The following SPTB variants were observed in gnomAD, a reference collection of about 807,000 sequenced individuals.
The protein encoded by SPTB is spectrin beta chain, erythrocytic.
A neutral mutation model predicts 256.2 loss-of-function variants in SPTB; 45 were observed. That is an observed-to-expected ratio of 0.18 (90% CI 0.14 to 0.23). The LOEUF is 0.23. Among genes scored for constraint, SPTB ranks in the 10% least tolerant of loss-of-function variants. The pLI is 1.00. For missense variants in SPTB, 2,715 were observed against 3,040.4 expected (o/e 0.89, Z 2.52); for synonymous variants, 1,231 against 1,243.1 (o/e 0.99, Z 0.21).
At position 64,772,620 on chromosome 14, in the gene SPTB, T is replaced by A; in HGVS notation, c.5513A>T (p.His1838Leu). 2 of 1,612,356 alleles carry A rather than the reference T, an allele frequency of 1.2e-6. No individual in the cohort carries two copies. Among genetic ancestry groups the A allele is most frequent in the Non-Finnish European group, 1.7e-6 (2 of 1,179,896 alleles). ...ASTAESFHRV[H>L]TAFERELHLL... ...GTGGAGCTCCCGCTCGAAGGCTGTGTGCACCCGGTGGAAGGACTCGGCCGT... is the reference window on the plus strand; with the variant it reads ...GTGGAGCTCCCGCTCGAAGGCTGTGAGCACCCGGTGGAAGGACTCGGCCGT... The change falls in exon 26 of 36, where the codon CAC (histidine) becomes CTC (leucine). Residue 1838 changes from histidine to leucine, a missense_variant. His to Leu is a moderately conservative substitution (Grantham distance 99). Coordinates refer to ENST00000644917, the MANE Select transcript of SPTB (RefSeq NM_001355436.2). The surrounding 1 kb of genome is among the most constrained non-coding windows in gnomAD (Gnocchi z 5.4).
chr14:64,752,675 ACTCTCC>A (rs2081969184), intron 33 of SPTB, among the ~76,000 whole-genome samples: 2 of 151,994 alleles, frequency 1.3e-5, no homozygotes, highest in Non-Finnish European at 1.5e-5. Context: ...TTCTGGGTAG[ACTCTCC>A]ATTTAAGCAA....
rs2082338376 is a variant in SPTB, at chr14:64,775,210, G to A, written c.4757C>T (p.Ala1586Val). Residue 1586 changes from alanine to valine, a missense_variant, in exon 23 of 36, where the codon GCA (alanine) becomes GTA (valine). Transcript: ENST00000644917. The surrounding 1 kb of genome is among the most constrained non-coding windows in gnomAD (Gnocchi z 5.0). Reference protein sequence around the residue: ...RLQRLRDANEAQQYYLDADEA... With the variant: ...RLQRLRDANEVQQYYLDADEA... ...GTCTGCATCCAGGTAGTACTGCTGT[G>A]CCTCGTTGGCGTCCCTCAGTCGCTG... 2 of 1,613,880 alleles carry A rather than the reference G, an allele frequency of 1.2e-6. No homozygotes were observed. The highest frequency in any genetic ancestry group is 1.7e-5 in the Admixed American group (1 of 60,032).
intron 1 of SPTB, among the ~76,000 whole-genome samples, chr14:64,837,543 T>A (rs1359270596): frequency 6.6e-6 from 1 of 152,186 alleles, no homozygotes; most frequent in African/African-American, 2.4e-5. Context: ...TTCAAAGCAA[T>A]GCCAGTCAAA....
chr14:64,865,590 T>C (rs1463661262), intron 1 of SPTB, among the ~76,000 whole-genome samples: 4 of 152,142 alleles, frequency 2.6e-5, no homozygotes, highest in African/African-American at 9.7e-5. Context: ...AGTTGCTACA[T>C]TGAGGACACT....
At chr14:64,843,464 GA>G (rs1246004182) in intron 1 of SPTB, among the ~76,000 whole-genome samples, 1 of 152,138 alleles carries the variant, frequency 6.6e-6, no homozygotes, top group Non-Finnish European at 1.5e-5. Context: ...ACCAATGTTT[GA>G]ATGTTTGCCA....
intron 1 of SPTB, among the ~76,000 whole-genome samples, chr14:64,854,274 CTTTTTTTTTTTT>C (rs1206368948): frequency 6.8e-5 from 5 of 73,264 alleles, no homozygotes; most frequent in Admixed American, 4.8e-4. Flanking sequence ...TTTCCAAACT[CTTTTTTTTTTTT>C]TTTTTTTTTT....
chr14:64,786,486 C>T lies in SPTB; in HGVS notation c.3479G>A (p.Arg1160His), dbSNP rs76283214. Residue 1160 changes from arginine to histidine, a missense_variant, in exon 16 of 36, where the codon CGC (arginine) becomes CAC (histidine). This residue lies in a region of SPTB where 2,239 missense variants were observed against 2,384.4 expected (regional missense o/e 0.94). Transcript: ENST00000644917. The surrounding 1 kb of genome is among the most constrained non-coding windows in gnomAD (Gnocchi z 5.6). Reference protein sequence around the residue: ...WNALGRMWESRSHTLAQCLGF... With the variant: ...WNALGRMWESHSHTLAQCLGF... ...AAGGCACTGAGCGAGGGTGTGGCTGCGGCTCTCCCACATCCTGCCCAGGGC... is the reference window on the plus strand; with the variant it reads ...AAGGCACTGAGCGAGGGTGTGGCTGTGGCTCTCCCACATCCTGCCCAGGGC... 5.7e-4 allele frequency: 925 copies of T among 1,613,822 alleles called. 1 individual carries two copies. Among genetic ancestry groups the T allele is most frequent in the Non-Finnish European group, 7.2e-4 (852 of 1,179,974 alleles).
rs780679580 is a variant in SPTB, at chr14:64,772,721, G to A, written c.5412C>T (p.Tyr1804=). The A allele has an allele frequency of 6.2e-7, 1 of 1,613,982 alleles. No individual in the cohort carries two copies. The change falls in exon 26 of 36, where the codon TAC becomes TAT. Residue 1804 remains tyrosine, a synonymous_variant. Transcript: ENST00000644917. This position sits in a 1 kb window ranked among gnomAD's most constrained non-coding sequence, Gnocchi z 5.4. Reference sequence around the variant, plus strand: ...TGAGGCCCAGGATCTCGGCACCCGTGTAGAAGTAGCGGTGCAGGTCATAGG... The same window carrying A: ...TGAGGCCCAGGATCTCGGCACCCGTATAGAAGTAGCGGTGCAGGTCATAGG... ...AASYDLHRYF[Y]TGAEILGLID...
rs116244582 is a variant in SPTB, at chr14:64,823,906, T to C, written c.-51-761A>G. ...AGCACGTGGCAGTCGGGGCATCCCA[T>C]GGACAATGGAACCGTGCATTGTGAG... is the stretch of plus-strand genomic sequence containing the variant. On this transcript the variant is annotated intron_variant, in intron 1 of 35. Coordinates refer to ENST00000644917, the MANE Select transcript of SPTB (RefSeq NM_001355436.2). This position sits in a 1 kb window ranked among gnomAD's most constrained non-coding sequence, Gnocchi z 6.5. Among the ~76,000 whole-genome samples the C allele has an allele frequency of 5.6e-3, 854 of 152,308 alleles. 4 individuals carry two copies. Among genetic ancestry groups the C allele is most frequent in the African/African-American group, 0.02 (828 of 41,568 alleles).
rs2082995727 is a variant in SPTB at position 64,806,957 on chromosome 14, T to C, written c.149-1867A>G. ...AAAGTTTCAGCGAGAAAACTCCCCT[T>C]ACCCTTTTGTCAACAGCAAATTAAA... On this transcript the variant is annotated intron_variant, in intron 2 of 35. Transcript: ENST00000644917. This position sits in a 1 kb window ranked among gnomAD's most constrained non-coding sequence, Gnocchi z 4.1. Among the ~76,000 whole-genome samples the C allele has an allele frequency of 1.3e-5, 2 of 152,232 alleles. No individual in the cohort carries two copies. The highest frequency in any genetic ancestry group is 2.4e-5 in the African/African-American group (1 of 41,462).
At chr14:64,850,208 G>A (rs1331952881) in intron 1 of SPTB, among the ~76,000 whole-genome samples, 1 of 152,180 alleles carries the variant, frequency 6.6e-6, no homozygotes, top group African/African-American at 2.4e-5. Flanking sequence ...TGCCTACTAA[G>A]CATCGGATGC....
chr14:64,810,894 T>C (rs777160714), intron 2 of SPTB, among the ~76,000 whole-genome samples: 66 of 152,184 alleles, frequency 4.3e-4, no homozygotes, highest in Non-Finnish European at 8.5e-4. Context: ...GGTAGGAGGA[T>C]CACTTGAGGC....
intron 1 of SPTB, among the ~76,000 whole-genome samples, chr14:64,837,243 G>T (rs1241168601): frequency 2.6e-5 from 4 of 152,152 alleles, no homozygotes; most frequent in African/African-American, 9.7e-5. Flanking sequence ...CAAGAGATTT[G>T]ATAAATTTTC....
chr14:64,834,087 C>T (rs1368137954), intron 1 of SPTB, among the ~76,000 whole-genome samples: 3 of 152,204 alleles, frequency 2.0e-5, no homozygotes, highest in East Asian at 3.9e-4. Context: ...AGTGCAGTGG[C>T]GCTATCTCGG....
chr14:64,767,455 C>CA (rs1209315240), intron 30 of SPTB, 103 bp from the exon 31 acceptor site: 9 of 1,512,992 alleles, frequency 5.9e-6, no homozygotes, highest in African/African-American at 2.7e-5. Context: ...CATGCCCTGA[C>CA]ACTTGTTCCT....
At position 64,775,471 on chromosome 14, in the gene SPTB, G is replaced by A. The variant is rs143475185; in HGVS notation, c.4564-68C>T. On this transcript the variant is annotated intron_variant, in intron 22 of 35. Transcript: ENST00000644917. This position sits in a 1 kb window ranked among gnomAD's most constrained non-coding sequence, Gnocchi z 5.0. ...TGCGGGGGAGGCTGCTTCAGCAGTG[G>A]CAGCACAGCTCTGACACCCTTGGTC... 2,707 of 1,556,580 alleles carry A rather than the reference G, an allele frequency of 1.7e-3. 46 individuals are homozygous for A. The African/African-American group carries it at 0.033, about 19-fold the overall frequency.
intron 8 of SPTB, 152 bp downstream of exon 8, chr14:64,800,604 G>A: frequency 2.7e-6 from 2 of 731,386 alleles, no homozygotes; most frequent in Non-Finnish European, 4.9e-6. Context: ...TTCAGCTCAG[G>A]AGCCATCAAT....
chr14:64,799,331 T>C (rs1157054480), intron 9 of SPTB, among the ~76,000 whole-genome samples: 1 of 152,052 alleles, frequency 6.6e-6, no homozygotes, highest in Non-Finnish European at 1.5e-5. Context: ...AAAAGAAGGA[T>C]GAACTTGACA....
chr14:64,780,002 C>T (rs555843789), intron 20 of SPTB, 71 bp from the exon 21 acceptor site: 15 of 1,351,932 alleles, frequency 1.1e-5, no homozygotes, highest in African/African-American at 1.4e-5. Flanking sequence ...CTTCATTCAT[C>T]TGCATCCCAC....
Sources: allele counts gnomAD v4.1 joint callset (sites outside exome capture counted in the v4.1 genomes callset), GRCh38; gene constraint gnomAD v4.1.1; regional missense constraint gnomAD v4.1.1; non-coding constraint Gnocchi (gnomAD v3.1); transcripts MANE v1.5; gene names NCBI Gene and HGNC (gene_info 2026-07-23, HGNC 2026-07-21).